Variants in ZNF568 observed in about 807,000 individuals in gnomAD.
ZNF568 encodes zinc finger protein 568, also known as p53 inhibitor of SCO2 activation.
Under a neutral mutation model 18.1 loss-of-function variants are expected in ZNF568, and 11 were observed. The ratio of observed to expected loss-of-function variants is 0.61; its 90% confidence interval spans 0.38 to 1.00. ZNF568 has a LOEUF of 1.00. Among genes scored for constraint, ZNF568 ranks in the 50% least tolerant of loss-of-function variants. The pLI is 0.01. For missense variants in ZNF568, 639 were observed against 768.2 expected, an observed-to-expected ratio of 0.83 and a Z score of 1.99; for synonymous variants, 213 against 246.6, an observed-to-expected ratio of 0.86 and a Z score of 1.28.
intron 6 of ZNF568, among the ~76,000 whole-genome samples, chr19:36,960,372 C>T (rs1340698726): frequency 1.3e-5 from 2 of 152,002 alleles, no homozygotes; most frequent in Non-Finnish European, 2.9e-5. Flanking sequence ...CCCGCCTCGG[C>T]CTCCCAAAGT....
chr19:36,918,728 TC>T (rs2073397228), intron 2 of ZNF568, among the ~76,000 whole-genome samples: 2 of 152,182 alleles, frequency 1.3e-5, no homozygotes, highest in South Asian at 4.1e-4. Flanking sequence ...GTCACCACCA[TC>T]CAGCCAGAGA....
downstream of ZNF568, among the ~76,000 whole-genome samples, chr19:36,983,893 C>CTTTTTTTT (rs57048125): frequency 8.0e-3 from 873 of 108,516 alleles, 9 homozygotes; most frequent in Non-Finnish European, 9.0e-3. Flanking sequence ...CAACTTTGTC[C>CTTTTTTTT]TTTTTTTTTT....
intron 6 of ZNF568, among the ~76,000 whole-genome samples, chr19:36,962,588 G>A (rs1446746428): frequency 2.6e-5 from 4 of 151,914 alleles, no homozygotes; most frequent in Non-Finnish European, 5.9e-5. Flanking sequence ...TGATCCACCC[G>A]CTTCGACCTC....
chr19:36,922,476 G>A, intron 2 of ZNF568, 110 bp from the exon 3 acceptor site: 1 of 296,184 alleles, frequency 3.4e-6, no homozygotes, highest in Non-Finnish European at 6.3e-6. Context: ...GATCTACAAA[G>A]GCATGAATAC....
chr19:36,989,921 C>A (rs1196980893), intron 2 of ZNF568, among the ~76,000 whole-genome samples: 1 of 151,926 alleles, frequency 6.6e-6, no homozygotes, highest in African/African-American at 2.4e-5. Context: ...TGGAAACTTT[C>A]ATACCTCCCT....
At position 36,996,783 on chromosome 19, in the gene ZNF568, G is replaced by T. The variant is rs368808353; in HGVS notation, c.696G>T (p.Glu232Asp). 710 of 1,552,200 alleles carry T rather than the reference G, an allele frequency of 4.6e-4. 9 individuals are homozygous for T. The South Asian group carries it at 6.9e-3, about 15-fold the overall frequency. The change falls in exon 5 of 5, where the codon GAG becomes GAT. Residue 232 changes from glutamate (E) to aspartate (D), a missense_variant. Physicochemically the swap from Glu to Asp is conservative, Grantham distance 45. Transcript: ENST00000433993. ...AACCTCAGAGCATTAATACTGGAGA[G>T]AAACCTCATAAATGTAAGGAATGTG...
chr19:36,991,793 A>C, exon 4 of ZNF568: 1 of 1,581,726 alleles, frequency 6.3e-7, no homozygotes, highest in South Asian at 1.1e-5. Flanking sequence ...TTATTGGAGC[A>C]GAAGAAAGAG....
At chr19:36,949,406 G>A in intron 6 of ZNF568, 106 bp from the exon 7 acceptor site, 1 of 1,201,168 alleles carries the variant, frequency 8.3e-7, no homozygotes. Flanking sequence ...TGGTTGACTA[G>A]GCCAACATCA....
intron 6 of ZNF568, among the ~76,000 whole-genome samples, chr19:36,944,263 T>C (rs1466133739): frequency 2.0e-5 from 3 of 151,888 alleles, no homozygotes; most frequent in African/African-American, 7.3e-5. Context: ...TTGGGCGTGG[T>C]GGTGCATGCC....
chr19:36,930,016 GTT>G (rs2078268648), intron 4 of ZNF568, among the ~76,000 whole-genome samples: 1 of 150,484 alleles, frequency 6.6e-6, no homozygotes, highest in Non-Finnish European at 1.5e-5. Flanking sequence ...GTGAATTTAT[GTT>G]TTTTAAGGTT....
chr19:36,983,684 G>C (rs1367871208), downstream of ZNF568, among the ~76,000 whole-genome samples: 2 of 151,916 alleles, frequency 1.3e-5, no homozygotes, highest in Admixed American at 1.3e-4. Context: ...GTTAAAATCT[G>C]CCACTGTGAT....
At chr19:36,934,117 CT>C (rs1415537228) in intron 4 of ZNF568, among the ~76,000 whole-genome samples, 1 of 149,838 alleles carries the variant, frequency 6.7e-6, no homozygotes, top group African/African-American at 2.5e-5. Context: ...AGTAATGTTT[CT>C]TCTTTCATTC....
Position 36,916,937 on chromosome 19 carries a change from T to G in ZNF568, c.-256+346T>G, listed in dbSNP as rs1033715524. On this transcript the variant is annotated intron_variant, in intron 1 of 6. Transcript: ENST00000333987. The surrounding 1 kb of genome is among the most constrained non-coding windows in gnomAD (Gnocchi z 5.3). ...TCCTCTGTAGTCTTCTTTGCTGTCT[T>G]TTTTACCCTAGTAGCCCTTGGCCCT... Among the ~76,000 whole-genome samples the G allele has an allele frequency of 6.6e-5, 10 of 152,180 alleles. No homozygotes were observed. Among genetic ancestry groups the G allele is most frequent in the African/African-American group, 2.4e-4 (10 of 41,440 alleles).
At chr19:36,962,277 G>GT (rs71177418) in intron 6 of ZNF568, among the ~76,000 whole-genome samples, 2,452 of 44,514 alleles carry the variant, frequency 0.055, 191 homozygotes, top group Non-Finnish European at 0.07. Context: ...GTGTTGCAGT[G>GT]TTTTTTTTTT....
At chr19:36,918,304 G>C (rs1223029430) in intron 2 of ZNF568, among the ~76,000 whole-genome samples, 1 of 152,068 alleles carries the variant, frequency 6.6e-6, no homozygotes, top group African/African-American at 2.4e-5. Context: ...TCTATATACA[G>C]TTCGTATCCA....
chr19:36,924,597 G>A (rs2073519315), intron 3 of ZNF568, among the ~76,000 whole-genome samples: 2 of 148,814 alleles, frequency 1.3e-5, no homozygotes, highest in South Asian at 4.3e-4. Context: ...GGGAGGCCGA[G>A]GCAAATGGAT....
chr19:36,946,292 TCC>T (rs2073963359), intron 6 of ZNF568, among the ~76,000 whole-genome samples: 1 of 152,130 alleles, frequency 6.6e-6, no homozygotes. Flanking sequence ...ACTTCTCCTT[TCC>T]TTTTCTTCTG....
At chr19:36,992,940 A>T (rs1331722318) in intron 4 of ZNF568, among the ~76,000 whole-genome samples, 1 of 152,250 alleles carries the variant, frequency 6.6e-6, no homozygotes, top group Non-Finnish European at 1.5e-5. Context: ...ATGTTTTCAA[A>T]GTTCATCCAT....
In ZNF568 at chr19:36,958,562, C is replaced by T. The variant is rs537728241; in HGVS notation, c.359-15858C>T. On this transcript the variant is annotated intron_variant, in intron 6 of 7. Transcript: ENST00000427117. ...ATTTGTGGGCATAATATGCTTTATA[C>T]GCTTTTATTCTTGTTCATAATATTC... Among the ~76,000 whole-genome samples, 350 of 148,044 alleles carry T rather than the reference C, an allele frequency of 2.4e-3. 1 individual carries two copies. Among genetic ancestry groups the T allele is most frequent in the Non-Finnish European group, 3.5e-3 (236 of 66,860 alleles).
Sources: gnomAD v4.1 joint callset for allele counts (sites outside exome capture counted in the v4.1 genomes callset) on GRCh38, gnomAD v4.1.1 for gene constraint, Gnocchi (gnomAD v3.1) non-coding constraint, MANE v1.5 for transcripts, NCBI Gene and HGNC (gene_info 2026-07-23, HGNC 2026-07-21) for gene names.